KEL: variants seen among roughly 807,000 people sequenced by gnomAD.
KEL encodes the protein kell blood group glycoprotein.
KEL carries 96 observed loss-of-function variants against 99.5 expected under a neutral mutation model. The observed-to-expected ratio is 0.97, with a 90% CI of 0.82 to 1.14. The LOEUF (loss-of-function observed/expected upper bound fraction) is 1.14. KEL is among the 50% of genes most tolerant of loss of function. The pLI is 0.00. For synonymous variants in KEL, 355 were observed against 354.8 expected (o/e 1.00, Z -0.01); for missense variants, 926 against 924.2 (o/e 1.00, Z -0.03).
chr7:142,952,958 C>T (rs888073558), intron 9 of KEL, among the ~76,000 whole-genome samples: 2 of 152,114 alleles, frequency 1.3e-5, no homozygotes, highest in East Asian at 1.9e-4. Context: ...CTCTGGTTAT[C>T]CTCAGATGTA....
intron 4 of KEL, among the ~76,000 whole-genome samples, chr7:142,959,712 A>G (rs1256509825): frequency 1.3e-5 from 2 of 152,142 alleles, no homozygotes; most frequent in South Asian, 2.1e-4. Flanking sequence ...GTCTCTCTGA[A>G]TCATCCACCC....
At chr7:142,954,016 T>A in intron 8 of KEL, 60 bp from the exon 9 acceptor site, 1 of 1,600,660 alleles carries the variant, frequency 6.2e-7, no homozygotes, top group Non-Finnish European at 8.5e-7. Flanking sequence ...GGGAAAGGGC[T>A]TCCCCTTGGG....
chr7:142,952,782 AGTC>A, intron 9 of KEL, 144 bp from the exon 10 acceptor site: 1 of 920,384 alleles, frequency 1.1e-6, no homozygotes, highest in Admixed American at 2.3e-5. Flanking sequence ...CATGCACCCA[AGTC>A]AAAAAGAGCT....
rs1562956463 is a variant in KEL at position 142,942,909 on chromosome 7, G to A, written c.1907C>T (p.Ala636Val). Residue 636 changes from alanine to valine, a missense_variant, in exon 17 of 19, where the codon GCT becomes GTT. By Grantham distance (64) the Ala-to-Val change is moderately conservative (BLOSUM62 0). Coordinates refer to ENST00000355265, the MANE Select transcript of KEL (RefSeq NM_000420.3). ...GATGGCTAGCCCCCCAACGTCTGCA[G>A]CATTCTCTAAGAATGTGAGGGAGTC... The part of the protein sequence containing the change: ...FNDSLTFLEN[A>V]ADVGGLAIAL... 18 of 1,614,194 alleles carry A rather than the reference G, an allele frequency of 1.1e-5. No homozygotes were observed. The highest frequency in any genetic ancestry group is 1.5e-5 in the Non-Finnish European group (18 of 1,180,034).
Position 142,957,811 on chromosome 7 carries a change from C to A in KEL, c.672+16G>T, listed in dbSNP as rs1207257730. The A allele has an allele frequency of 1.9e-6, 3 of 1,613,768 alleles. No individual in the cohort carries two copies. The highest frequency in any genetic ancestry group is 2.5e-6 in the Non-Finnish European group (3 of 1,179,974). ...CAGGCCAGGTCCAACTGTGTCTTCG[C>A]CAGTGCATCCCTCACCTGGATGACT... On this transcript the variant is annotated intron_variant, in intron 6 of 18. Transcript: ENST00000355265.
intron 13 of KEL, 51 bp from the exon 14 acceptor site, chr7:142,943,934 C>T (rs780861865): frequency 6.9e-7 from 1 of 1,451,156 alleles, no homozygotes; most frequent in South Asian, 1.2e-5. Context: ...TCTATAGATG[C>T]ACGCTGACAA....
At position 142,954,173 on chromosome 7, in the gene KEL, G is replaced by A; in HGVS notation, c.924+11C>T. 1 of 1,607,030 alleles carries A rather than the reference G, an allele frequency of 6.2e-7. No individual in the cohort carries two copies. The highest frequency in any genetic ancestry group is 1.1e-5 in the South Asian group (1 of 91,060). ...CATGCCCACAGTCTTCTGGCCCCCA[G>A]TTCCAGGCACCTTGAGCTGGTCGAT... On this transcript the variant is annotated intron_variant, in intron 8 of 18. Transcript: ENST00000355265.
chr7:142,953,999 A>G, intron 8 of KEL, 43 bp from the exon 9 acceptor site: 1 of 1,609,344 alleles, frequency 6.2e-7, no homozygotes, highest in Non-Finnish European at 8.5e-7. Flanking sequence ...AGGAAAAGAG[A>G]AGGAAGGGGA....
chr7:142,957,996 T>A (rs753571146), intron 5 of KEL, 23 bp from the exon 6 acceptor site: 10 of 1,611,598 alleles, frequency 6.2e-6, no homozygotes, highest in South Asian at 4.4e-5. Flanking sequence ...GAGAGGGGGC[T>A]GAGCATAAGG....
chr7:142,961,631 C>G (rs1796962072), intron 2 of KEL, 130 bp from the exon 3 acceptor site: 2 of 1,364,246 alleles, frequency 1.5e-6, no homozygotes, highest in African/African-American at 1.4e-5. Context: ...CCAATTCTTC[C>G]TAAACCCAGC....
intron 5 of KEL, 101 bp downstream of exon 5, chr7:142,958,202 AG>A: frequency 1.3e-6 from 2 of 1,552,362 alleles, no homozygotes; most frequent in Non-Finnish European, 1.8e-6. Context: ...GGGGGGCCCT[AG>A]GAAGAAGACC....
At chr7:142,962,013 C>T in intron 1 of KEL, 141 bp from the exon 2 acceptor site, 7 of 1,609,868 alleles carry the variant, frequency 4.3e-6, no homozygotes, top group Non-Finnish European at 5.9e-6. Context: ...AGCAGTGTTC[C>T]CAGATGGGCT....
chr7:142,944,761 G>A lies in KEL; in HGVS notation c.1315-20C>T, dbSNP rs558510052. ...CATGGCCTGTGGGAGTGAGGTCCAG[G>A]GACAGGGGGACAGGATCAGGAGAGG... On this transcript the variant is annotated intron_variant, in intron 11 of 18. Transcript: ENST00000355265. 1.3e-6 allele frequency: 2 copies of A among 1,570,126 alleles called. No homozygotes were observed. Among genetic ancestry groups the A allele is most frequent in the East Asian group, 2.2e-5 (1 of 44,650 alleles).
chr7:142,943,454 C>T (rs372693980), intron 15 of KEL, 32 bp downstream of exon 15: 32 of 1,608,238 alleles, frequency 2.0e-5, no homozygotes, highest in Non-Finnish European at 2.6e-5. Context: ...TCTTGGGAAA[C>T]TCCCTACCTA....
At position 142,946,762 on chromosome 7, in the gene KEL, C is replaced by T. The variant is rs1308006954; in HGVS notation, c.1204-445G>A. 2.0e-5 allele frequency among the ~76,000 whole-genome samples: 3 copies of T among 152,202 alleles called. No individual in the cohort carries two copies. In the East Asian group the frequency reaches 5.8e-4, roughly 29 times the overall value. Reference sequence around the variant, plus strand: ...GATTGCGGATGGAAATTCTGTCCTACCACCATCACCTTTATCCTCTCTCCA... The same window carrying T: ...GATTGCGGATGGAAATTCTGTCCTATCACCATCACCTTTATCCTCTCTCCA... On this transcript the variant is annotated intron_variant, in intron 10 of 18. Coordinates refer to ENST00000355265, the MANE Select transcript of KEL (RefSeq NM_000420.3).
chr7:142,959,395 A>C (rs956664918), intron 4 of KEL, among the ~76,000 whole-genome samples: 2 of 152,280 alleles, frequency 1.3e-5, no homozygotes, highest in African/African-American at 4.8e-5. Flanking sequence ...GAGAATGAGG[A>C]GAAGAAGACA....
chr7:142,942,818 G>A (rs773342756), intron 17 of KEL, 57 bp downstream of exon 17: 101 of 1,588,902 alleles, frequency 6.4e-5, no homozygotes, highest in Middle Eastern at 1.7e-4. Flanking sequence ...GAAAACTTGA[G>A]GACATGTTTT....
intron 6 of KEL, among the ~76,000 whole-genome samples, chr7:142,955,233 C>G (rs1796799774): frequency 6.6e-6 from 1 of 151,966 alleles, no homozygotes; most frequent in African/African-American, 2.4e-5. Flanking sequence ...AAATTACTAC[C>G]AAAAATGTAT....
At chr7:142,947,573 CAG>C (rs1796566661) in intron 10 of KEL, among the ~76,000 whole-genome samples, 2 of 152,174 alleles carry the variant, frequency 1.3e-5, no homozygotes, top group Admixed American at 1.3e-4. Context: ...TATTTTGTAA[CAG>C]AGTCTCACTC....
Sources: allele counts gnomAD v4.1 joint callset (sites outside exome capture counted in the v4.1 genomes callset), GRCh38; gene constraint gnomAD v4.1.1; transcripts MANE v1.5; gene names NCBI Gene and HGNC (gene_info 2026-07-23, HGNC 2026-07-21).